Variants in ARHGAP40 observed in about 807,000 individuals in gnomAD.
ARHGAP40 encodes rho GTPase-activating protein 40.
Under a neutral mutation model 73.5 loss-of-function variants are expected in ARHGAP40, and 43 were observed. The observed-to-expected ratio is 0.58, with a 90% CI of 0.46 to 0.75. ARHGAP40 has a LOEUF of 0.75. ARHGAP40 is among the 30% of genes least tolerant of loss of function. The pLI is 0.00. For synonymous variants in ARHGAP40, 300 were observed against 352.8 expected, an observed-to-expected ratio of 0.85 and a Z score of 1.68; for missense variants, 734 against 861.8, an observed-to-expected ratio of 0.85 and a Z score of 1.86.
chr20:38,622,053 CA>C (rs201540874), intron 1 of ARHGAP40, among the ~76,000 whole-genome samples: 1 of 151,578 alleles, frequency 6.6e-6, no homozygotes, highest in Non-Finnish European at 1.5e-5. Flanking sequence ...GACCTTGCCT[CA>C]AAAAACAAAA....
At chr20:38,621,465 C>T (rs2088873058) in intron 1 of ARHGAP40, among the ~76,000 whole-genome samples, 2 of 152,220 alleles carry the variant, frequency 1.3e-5, no homozygotes, top group Admixed American at 6.5e-5. Flanking sequence ...CAGCAAAGAG[C>T]TATCAAATGC....
In ARHGAP40 at chr20:38,602,007, C is replaced by A; in HGVS notation, c.65C>A (p.Ser22Ter). ...AGGCTGGCCCCAGGGCCCCTAGCCT[C>A]ACCGTGTCCTCGGATCCCGCGGGCC... The change falls in exon 1 of 15, where the codon TCA (serine) becomes TAA (stop). Residue 22 changes from serine (S) to a stop codon, truncating the protein, a stop_gained. Transcript: ENST00000373345. LOFTEE classifies it high-confidence loss of function. 1 of 1,287,692 alleles carries A rather than the reference C, an allele frequency of 7.8e-7. No individual in the cohort carries two copies. Among genetic ancestry groups the A allele is most frequent in the Non-Finnish European group, 1.0e-6 (1 of 988,494 alleles). The allele number at this position is 1,287,692 out of a possible 1,614,324, so 79.8% of individuals were successfully genotyped here.
intron 1 of ARHGAP40, among the ~76,000 whole-genome samples, chr20:38,609,822 G>A (rs1276860295): frequency 1.3e-5 from 2 of 152,260 alleles, no homozygotes; most frequent in Non-Finnish European, 2.9e-5. Context: ...GTGGGGCAGA[G>A]GAGAGATGGG....
chr20:38,645,213 C>A (rs920670752), intron 11 of ARHGAP40, among the ~76,000 whole-genome samples: 1 of 151,572 alleles, frequency 6.6e-6, no homozygotes, highest in Admixed American at 6.6e-5. Context: ...CCTCCTAGTT[C>A]AAAAGTCAAC....
chr20:38,629,635 C>A lies in ARHGAP40; in HGVS notation c.768C>A (p.Gly256=), dbSNP rs549691990. 1.1e-4 allele frequency: 143 copies of A among 1,305,408 alleles called. No homozygotes were observed. In the African/African-American group the frequency reaches 2.0e-3, roughly 18 times the overall value. The allele number at this position is 1,305,408 out of a possible 1,614,324, so 80.9% of individuals were successfully genotyped here. A position where few individuals can be genotyped will look rare whatever the true frequency, so the allele number is the denominator to read the frequency against. Residue 256 remains glycine, a synonymous_variant, in exon 5 of 15, where the codon GGC becomes GGA. Coordinates refer to ENST00000373345, the Ensembl canonical transcript of ARHGAP40. ...CCCGGGGAGGCACCTCTGCCTGGGG[C>A]AAGTGTTCCCTGCCGGTGAGGATGC...
chr20:38,646,212 G>A lies in ARHGAP40; in HGVS notation c.1710+25G>A. 1 of 1,287,270 alleles carries A rather than the reference G, an allele frequency of 7.8e-7. No individual in the cohort carries two copies. Among genetic ancestry groups the A allele is most frequent in the Non-Finnish European group, 1.0e-6 (1 of 977,898 alleles). 79.7% of individuals were successfully genotyped at this position (1,287,270 alleles called of 1,614,324 possible). ...GGTGAGTGCCCCCGACCCCAGACAG[G>A]TGGAGAAGGGCCGAGGCGACAGGAG... On this transcript the variant is annotated intron_variant, in intron 12 of 14. Transcript: ENST00000373345. The surrounding 1 kb of genome is among the most constrained non-coding windows in gnomAD (Gnocchi z 4.5).
intron 1 of ARHGAP40, among the ~76,000 whole-genome samples, chr20:38,617,021 C>G (rs1331764568): frequency 1.3e-5 from 2 of 152,196 alleles, no homozygotes; most frequent in Non-Finnish European, 2.9e-5. Flanking sequence ...TCTCGGCTCA[C>G]TGCAACCTCC....
intron 1 of ARHGAP40, among the ~76,000 whole-genome samples, chr20:38,607,721 A>G (rs1443715575): frequency 1.3e-5 from 2 of 152,172 alleles, no homozygotes; most frequent in Admixed American, 6.5e-5. Flanking sequence ...TGCTCATCCA[A>G]GTGTGAGAAG....
intron 1 of ARHGAP40, among the ~76,000 whole-genome samples, chr20:38,619,652 T>C (rs898946256): frequency 2.7e-4 from 39 of 144,410 alleles, no homozygotes; most frequent in Non-Finnish European, 1.4e-4. Context: ...GCCCTGGTAG[T>C]GGGGCTTTCA....
In ARHGAP40 at chr20:38,648,625, TCTC is replaced by T; in HGVS notation, c.1881-17_1881-15del. 7.7e-7 allele frequency: 1 copy of T among 1,296,010 alleles called. No homozygotes were observed. Among genetic ancestry groups the T allele is most frequent in the Admixed American group, 2.4e-5 (1 of 42,020 alleles). 80.3% of individuals were successfully genotyped at this position (1,296,010 alleles called of 1,614,324 possible). ...GAAAAAGGCAGTAGTTTTTTTTTTC[TCTC>T]TCTCTGTTTTACAGCCATAGGTCCA... On this transcript the variant is annotated splice_polypyrimidine_tract_variant and intron_variant, in intron 13 of 14. Transcript: ENST00000373345.
Position 38,646,901 on chromosome 20 carries a change from A to G in ARHGAP40, c.1711-56A>G. 2.4e-6 allele frequency: 3 copies of G among 1,262,356 alleles called. No homozygotes were observed. Among genetic ancestry groups the G allele is most frequent in the Non-Finnish European group, 2.1e-6 (2 of 965,366 alleles). 78.2% of individuals were successfully genotyped at this position (1,262,356 alleles called of 1,614,324 possible). A position where few individuals can be genotyped will look rare whatever the true frequency, so the allele number is the denominator to read the frequency against. ...ATGCGTGTTTATGCATCCACGTTGG[A>G]ACTCCAGGCAAGCTGACTCTTATGT... On this transcript the variant is annotated intron_variant, in intron 12 of 14. Transcript: ENST00000373345. This position sits in a 1 kb window ranked among gnomAD's most constrained non-coding sequence, Gnocchi z 4.5.
intron 1 of ARHGAP40, among the ~76,000 whole-genome samples, chr20:38,623,145 G>C (rs2088881692): frequency 1.3e-5 from 2 of 152,212 alleles, no homozygotes; most frequent in South Asian, 2.1e-4. Context: ...GTCTGGCCCT[G>C]CTCTGTCCCC....
intron 1 of ARHGAP40, among the ~76,000 whole-genome samples, chr20:38,608,543 C>T (rs939272641): frequency 4.6e-5 from 7 of 152,184 alleles, no homozygotes; most frequent in African/African-American, 1.4e-4. Flanking sequence ...ATCCTCACTG[C>T]CTTCTGTATA....
At chr20:38,634,271 G>A (rs1319510431) in intron 5 of ARHGAP40, among the ~76,000 whole-genome samples, 1 of 152,190 alleles carries the variant, frequency 6.6e-6, no homozygotes, top group Non-Finnish European at 1.5e-5. Context: ...AGGATCAGTT[G>A]AGCCCAGGAG....
intron 6 of ARHGAP40, among the ~76,000 whole-genome samples, chr20:38,635,603 C>A (rs1459199576): frequency 1.3e-5 from 2 of 152,128 alleles, no homozygotes; most frequent in African/African-American, 2.4e-5. Flanking sequence ...GTGAAGGCTG[C>A]AGTGAGCCTT....
intron 5 of ARHGAP40, among the ~76,000 whole-genome samples, chr20:38,632,349 G>A (rs112661374): frequency 0.03 from 4,539 of 151,688 alleles, 233 homozygotes; most frequent in African/African-American, 0.1. Context: ...TGCAAGCTCC[G>A]CCCCCTGGGT....
intron 1 of ARHGAP40, among the ~76,000 whole-genome samples, chr20:38,616,878 C>T (rs192217853): frequency 6.6e-6 from 1 of 152,304 alleles, no homozygotes; most frequent in East Asian, 1.9e-4. Flanking sequence ...CAGGACAGCC[C>T]TCCTTCACAG....
intron 1 of ARHGAP40, chr20:38,614,841 C>T: frequency 1.2e-6 from 1 of 838,284 alleles, no homozygotes; most frequent in Non-Finnish European, 2.0e-6. Context: ...CTCTAGAGCT[C>T]CAGAACCATG....
At chr20:38,623,892 A>G (rs762014061) in intron 2 of ARHGAP40, among the ~76,000 whole-genome samples, 2 of 152,236 alleles carry the variant, frequency 1.3e-5, no homozygotes, top group Admixed American at 6.5e-5. Context: ...AGTCTCCTAT[A>G]TACAGACCTA....
Sources: gnomAD v4.1 joint callset for allele counts (sites outside exome capture counted in the v4.1 genomes callset) on GRCh38, gnomAD v4.1.1 for gene constraint, Gnocchi (gnomAD v3.1) non-coding constraint, MANE v1.5 for transcripts, NCBI Gene and HGNC (gene_info 2026-07-23, HGNC 2026-07-21) for gene names.